Variants in SPAG17 observed in about 807,000 individuals in gnomAD.
The protein encoded by SPAG17 is sperm associated antigen 17.
A neutral mutation model predicts 273.6 loss-of-function variants in SPAG17; 169 were observed. The observed-to-expected ratio is 0.62, with a 90% CI of 0.55 to 0.70. The LOEUF (loss-of-function observed/expected upper bound fraction) is 0.70. SPAG17 is among the 30% of genes least tolerant of loss of function. The pLI is 0.00. For missense variants in SPAG17, 2,557 were observed against 2,627.8 expected, an observed-to-expected ratio of 0.97 and a Z score of 0.59; for synonymous variants, 825 against 873.2, an observed-to-expected ratio of 0.94 and a Z score of 0.97.
chr1:117,973,994 A>C (rs1654861883), intron 43 of SPAG17, among the ~76,000 whole-genome samples: 2 of 152,148 alleles, frequency 1.3e-5, no homozygotes, highest in Non-Finnish European at 2.9e-5. Context: ...AAAGAACATG[A>C]TTTCATTCTT....
intron 27 of SPAG17, among the ~76,000 whole-genome samples, chr1:118,023,869 ATATC>A (rs1647401935): frequency 6.6e-6 from 1 of 152,054 alleles, no homozygotes; most frequent in African/African-American, 2.4e-5. Context: ...GTTTCTATTA[ATATC>A]TATCTAGTTT....
rs1655803141 is a variant in SPAG17, at chr1:118,097,687, A to T, written c.994T>A (p.Ser332Thr). Reference sequence around the variant, plus strand: ...GTACTAACCATCATCTCACCATCTGACCAGTCAGAAGGAAAATCAGCTGCT... The same window carrying T: ...GTACTAACCATCATCTCACCATCTGTCCAGTCAGAAGGAAAATCAGCTGCT... ...VKAADFPSDW[S>T]DGEMMLKLGT... The change falls in exon 7 of 49, where the codon TCA becomes ACA. Residue 332 changes from serine to threonine, a missense_variant. Ser to Thr is a moderately conservative substitution (Grantham distance 58). Coordinates refer to ENST00000336338, the MANE Select transcript of SPAG17 (RefSeq NM_206996.4). The T allele has an allele frequency of 6.2e-7, 1 of 1,602,434 alleles. No homozygotes were observed. The highest frequency in any genetic ancestry group is 1.3e-5 in the African/African-American group (1 of 74,246).
intron 3 of SPAG17, among the ~76,000 whole-genome samples, chr1:118,144,023 T>A (rs1038449163): frequency 1.3e-5 from 2 of 152,126 alleles, no homozygotes; most frequent in Non-Finnish European, 2.9e-5. Flanking sequence ...CTACCTCCCC[T>A]CTCCTGGACT....
intron 32 of SPAG17, among the ~76,000 whole-genome samples, chr1:117,999,717 A>G (rs570235946): frequency 6.6e-6 from 1 of 152,106 alleles, no homozygotes; most frequent in East Asian, 1.9e-4. Context: ...TAGATTCTGG[A>G]TATTAGCCCT....
At chr1:118,163,764 T>C (rs1028715072) in intron 1 of SPAG17, among the ~76,000 whole-genome samples, 3 of 151,972 alleles carry the variant, frequency 2.0e-5, no homozygotes, top group Non-Finnish European at 2.9e-5. Context: ...ACATGTGACC[T>C]ACACCAAAAG....
intron 13 of SPAG17, among the ~76,000 whole-genome samples, chr1:118,083,882 C>A (rs1398074597): frequency 1.3e-5 from 2 of 151,906 alleles, no homozygotes; most frequent in African/African-American, 4.8e-5. Context: ...GGTGAAGGGA[C>A]AAATTTAGGG....
At chr1:118,077,227 A>G (rs1352873501) in intron 15 of SPAG17, among the ~76,000 whole-genome samples, 1 of 152,090 alleles carries the variant, frequency 6.6e-6, no homozygotes, top group Non-Finnish European at 1.5e-5. Context: ...CATCAACAAC[A>G]ACAAAGTCCC....
At chr1:118,097,873 T>C (rs1570689214) in intron 6 of SPAG17, 22 bp from the exon 7 acceptor site, 2 of 1,509,444 alleles carry the variant, frequency 1.3e-6, no homozygotes, top group Non-Finnish European at 1.8e-6. Flanking sequence ...AACATGTTTA[T>C]ATTACCAAAT....
chr1:118,006,578 G>A (rs1658907696), intron 31 of SPAG17, among the ~76,000 whole-genome samples: 2 of 152,184 alleles, frequency 1.3e-5, no homozygotes, highest in South Asian at 4.1e-4. Context: ...TTGTGCAGAT[G>A]TATGTTTTCT....
chr1:118,091,785 A>G, intron 9 of SPAG17, 67 bp from the exon 10 acceptor site: 2 of 1,366,092 alleles, frequency 1.5e-6, no homozygotes, highest in South Asian at 2.3e-5. Flanking sequence ...TCAAAATTTC[A>G]TGCATAATTT....
At chr1:117,996,845 C>T (rs1657715167) in intron 32 of SPAG17, 102 bp from the exon 33 acceptor site, 3 of 1,243,674 alleles carry the variant, frequency 2.4e-6, no homozygotes. Context: ...TGGGTTTACT[C>T]ACAAAATTGG....
chr1:118,031,901 C>A (rs1252419332), intron 24 of SPAG17, 34 bp from the exon 25 acceptor site: 1 of 1,493,538 alleles, frequency 6.7e-7, no homozygotes, highest in Admixed American at 2.0e-5. Context: ...GAAGTTGATT[C>A]AACATTCATA....
chr1:118,075,535 T>C (rs1654005570), intron 15 of SPAG17, among the ~76,000 whole-genome samples: 1 of 152,246 alleles, frequency 6.6e-6, no homozygotes, highest in Non-Finnish European at 1.5e-5. Flanking sequence ...GAGAAATGGA[T>C]AATGTATATA....
chr1:118,164,718 G>T (rs1188884046), intron 1 of SPAG17, among the ~76,000 whole-genome samples: 1 of 152,142 alleles, frequency 6.6e-6, no homozygotes, highest in East Asian at 1.9e-4. Flanking sequence ...CTGAAGTGTG[G>T]AATTCAAAGC....
At chr1:118,039,231 G>A (rs1182823976) in intron 23 of SPAG17, 61 bp downstream of exon 23, 3 of 1,517,920 alleles carry the variant, frequency 2.0e-6, no homozygotes, top group Non-Finnish European at 2.7e-6. Flanking sequence ...ATTTAATGGA[G>A]TGGAGTGGAC....
chr1:118,058,150 A>C (rs573367432), intron 18 of SPAG17, among the ~76,000 whole-genome samples: 2 of 152,288 alleles, frequency 1.3e-5, no homozygotes, highest in African/African-American at 2.4e-5. Flanking sequence ...ATTTTTAATT[A>C]TTATGAAAAT....
chr1:118,120,395 T>C (rs973873998), intron 3 of SPAG17, among the ~76,000 whole-genome samples: 5 of 152,172 alleles, frequency 3.3e-5, no homozygotes, highest in African/African-American at 7.2e-5. Context: ...GTCTATATGA[T>C]AGGGAAAAGT....
At chr1:118,015,156 G>A (rs1217121670) in intron 29 of SPAG17, among the ~76,000 whole-genome samples, 1 of 151,810 alleles carries the variant, frequency 6.6e-6, no homozygotes, top group Middle Eastern at 3.2e-3. Flanking sequence ...GTGGTGGCAG[G>A]TGCCTGTTAT....
Position 118,081,223 on chromosome 1 carries a change from T to C in SPAG17, c.2087A>G (p.Gln696Arg), listed in dbSNP as rs1373028531. The change falls in exon 15 of 49, where the codon CAG becomes CGG. Residue 696 changes from glutamine to arginine, a missense_variant. Gln to Arg is a conservative substitution (Grantham distance 43). Coordinates refer to ENST00000336338, the MANE Select transcript of SPAG17 (RefSeq NM_206996.4). ...ATGCTTCATATTGTTAGCATCACACTGACTAGGATCTGAAGGTTCTCGGTT... is the reference window on the plus strand; with the variant it reads ...ATGCTTCATATTGTTAGCATCACACCGACTAGGATCTGAAGGTTCTCGGTT... ...ESNREPSDPS[Q>R]CDANNMKHSD... is the part of the protein sequence containing the mutation. 1 of 1,614,090 alleles carries C rather than the reference T, an allele frequency of 6.2e-7. No homozygotes were observed. The highest frequency in any genetic ancestry group is 1.1e-5 in the South Asian group (1 of 91,082).
Sources: gnomAD v4.1 joint callset for allele counts (sites outside exome capture counted in the v4.1 genomes callset) on GRCh38, gnomAD v4.1.1 for gene constraint, MANE v1.5 for transcripts, NCBI Gene and HGNC (gene_info 2026-07-23, HGNC 2026-07-21) for gene names.